Variants in GAREM1 observed in about 807,000 individuals in gnomAD.
GAREM1 encodes the protein GRB2 associated regulator of MAPK1 subtype 1.
In GAREM1, 26 loss-of-function variants were observed where a neutral mutation model predicts 71.3. That is an observed-to-expected ratio of 0.36 (90% CI 0.27 to 0.51). The LOEUF is 0.51. GAREM1 is among the 20% of genes least tolerant of loss of function. The pLI is 0.95. For synonymous variants in GAREM1, 440 were observed against 433.2 expected (o/e 1.02, Z -0.20); for missense variants, 1,026 against 1,103.1 (o/e 0.93, Z 0.99).
intron 2 of GAREM1, among the ~76,000 whole-genome samples, chr18:32,347,266 G>T (rs1300959207): frequency 6.6e-6 from 1 of 152,176 alleles, no homozygotes; most frequent in Admixed American, 6.5e-5. Flanking sequence ...CTGGAAGCCT[G>T]AAGTGAAAGG....
intron 2 of GAREM1, among the ~76,000 whole-genome samples, chr18:32,326,657 C>G (rs1042102152): frequency 1.4e-4 from 21 of 152,342 alleles, no homozygotes; most frequent in African/African-American, 4.1e-4. Flanking sequence ...CTTCCACCCC[C>G]TCACAAGAGA....
At chr18:32,285,819 C>T (rs1433622493) in intron 4 of GAREM1, among the ~76,000 whole-genome samples, 3 of 152,190 alleles carry the variant, frequency 2.0e-5, no homozygotes, top group African/African-American at 7.2e-5. Flanking sequence ...GTATTTCTAG[C>T]ATCTAGCCTA....
intron 2 of GAREM1, among the ~76,000 whole-genome samples, chr18:32,325,606 G>A (rs1380529761): frequency 1.3e-5 from 2 of 152,190 alleles, no homozygotes; most frequent in Admixed American, 1.3e-4. Context: ...TCAAGACTGA[G>A]GTAGGACAGT....
At chr18:32,332,197 T>G (rs573648329) in intron 2 of GAREM1, among the ~76,000 whole-genome samples, 1 of 151,878 alleles carries the variant, frequency 6.6e-6, no homozygotes. Flanking sequence ...GAGAAATACA[T>G]GGCTTAGTGT....
chr18:32,375,203 T>G (rs958956113), intron 2 of GAREM1, among the ~76,000 whole-genome samples: 28 of 152,156 alleles, frequency 1.8e-4, no homozygotes, highest in African/African-American at 6.5e-4. Context: ...TTTTAGGAAC[T>G]GAGTTTTAGA....
chr18:32,344,299 C>T (rs1328025096), intron 2 of GAREM1, among the ~76,000 whole-genome samples: 4 of 152,156 alleles, frequency 2.6e-5, no homozygotes, highest in African/African-American at 9.7e-5. Flanking sequence ...CTGACCTCTT[C>T]CCCAAAACTC....
At chr18:32,458,646 G>GA (rs1240051704) in intron 1 of GAREM1, among the ~76,000 whole-genome samples, 6 of 148,938 alleles carry the variant, frequency 4.0e-5, no homozygotes, top group East Asian at 3.9e-4. Flanking sequence ...CAGGAGATTT[G>GA]AAAAAAAAAC....
In GAREM1 at chr18:32,381,307, G is replaced by T. The variant is rs190218305; in HGVS notation, c.262+11588C>A. On this transcript the variant is annotated intron_variant, in intron 2 of 5. Coordinates refer to ENST00000269209, the MANE Select transcript of GAREM1 (RefSeq NM_001242409.2). ...CCAAAAGATAACAAAGAGGTTTTTTGTTGTTGTTGTTTTCTTACTCTATTT... is the reference window on the plus strand; with the variant it reads ...CCAAAAGATAACAAAGAGGTTTTTTTTTGTTGTTGTTTTCTTACTCTATTT... Among the ~76,000 whole-genome samples the T allele has an allele frequency of 1.4e-3, 154 of 110,564 alleles. 6 individuals carry two copies. In the East Asian group the frequency reaches 0.029, roughly 21 times the overall value. 72.5% of individuals were successfully genotyped at this position (110,564 alleles called of 152,430 possible).
chr18:32,389,869 C>T (rs768555536), intron 2 of GAREM1, among the ~76,000 whole-genome samples: 2 of 152,052 alleles, frequency 1.3e-5, no homozygotes, highest in Non-Finnish European at 2.9e-5. Context: ...CCATTTTACA[C>T]GGTAATCAAA....
chr18:32,273,705 G>A lies in GAREM1; in HGVS notation c.1567-3322C>T, dbSNP rs531318493. 4.4e-4 allele frequency among the ~76,000 whole-genome samples: 67 copies of A among 151,888 alleles called. 1 individual carries two copies. Among genetic ancestry groups the A allele is most frequent in the African/African-American group, 1.6e-3 (65 of 41,470 alleles). On this transcript the variant is annotated intron_variant, in intron 4 of 5. Coordinates refer to ENST00000269209, the MANE Select transcript of GAREM1 (RefSeq NM_001242409.2). ...TCCTGAAGGGAGTTAAAGAACTAAT[G>A]TGTGTGTGTGAGAGAGAGAGAGAGA...
At position 32,290,642 on chromosome 18, in the gene GAREM1, GAA is replaced by G. The variant is rs586596; in HGVS notation, c.394-2441_394-2440del. Among the ~76,000 whole-genome samples the G allele has an allele frequency of 1.1e-3, 85 of 75,608 alleles. 1 individual carries two copies. The highest frequency in any genetic ancestry group is 2.3e-3 in the East Asian group (5 of 2,132). The allele number at this position is 75,608 out of a possible 152,430, so 49.6% of individuals were successfully genotyped here. ...CCTGGGTGACAGAGACAGACTGTCT[GAA>G]AAAAAAAAAAAAAAAAGAAAAATAG... On this transcript the variant is annotated intron_variant, in intron 3 of 5. Coordinates refer to ENST00000269209, the MANE Select transcript of GAREM1 (RefSeq NM_001242409.2).
chr18:32,456,395 A>G (rs544391543), intron 1 of GAREM1, among the ~76,000 whole-genome samples: 8 of 152,138 alleles, frequency 5.3e-5, no homozygotes, highest in African/African-American at 1.9e-4. Context: ...TAAGAGCTTT[A>G]TATCGATTAC....
chr18:32,468,228 A>G (rs1189801166), intron 1 of GAREM1, among the ~76,000 whole-genome samples: 2 of 152,254 alleles, frequency 1.3e-5, no homozygotes, highest in Non-Finnish European at 2.9e-5. Flanking sequence ...TATTCATTAC[A>G]TCACAATTTT....
intron 2 of GAREM1, among the ~76,000 whole-genome samples, chr18:32,372,423 C>G (rs2047990505): frequency 6.6e-6 from 1 of 152,210 alleles, no homozygotes; most frequent in Non-Finnish European, 1.5e-5. Context: ...AACAGACACA[C>G]CCAATCCTAT....
intron 2 of GAREM1, among the ~76,000 whole-genome samples, chr18:32,367,716 A>G (rs1265752378): frequency 2.0e-5 from 3 of 152,146 alleles, no homozygotes; most frequent in Non-Finnish European, 4.4e-5. Flanking sequence ...TTCAGTCCCA[A>G]TTCTAAGCAA....
At chr18:32,278,284 G>A (rs1438613938) in intron 4 of GAREM1, among the ~76,000 whole-genome samples, 1 of 152,162 alleles carries the variant, frequency 6.6e-6, no homozygotes, top group African/African-American at 2.4e-5. Flanking sequence ...TGTATTTCCT[G>A]AGTTAACCTT....
At chr18:32,304,079 G>A (rs2047225439) in intron 3 of GAREM1, among the ~76,000 whole-genome samples, 1 of 151,968 alleles carries the variant, frequency 6.6e-6, no homozygotes, top group Admixed American at 6.5e-5. Context: ...GGCCGAGGAG[G>A]GTGGATCACT....
At chr18:32,356,785 A>G (rs2047810576) in intron 2 of GAREM1, among the ~76,000 whole-genome samples, 1 of 152,216 alleles carries the variant, frequency 6.6e-6, no homozygotes, top group Non-Finnish European at 1.5e-5. Context: ...TTAATCTGAC[A>G]AATCCAAAAA....
chr18:32,463,424 C>G (rs2048970036), intron 1 of GAREM1, among the ~76,000 whole-genome samples: 2 of 151,788 alleles, frequency 1.3e-5, no homozygotes, highest in African/African-American at 4.8e-5. Context: ...CTAGGTTTAT[C>G]ACTGTCCACT....
Sources: gnomAD v4.1 joint callset for allele counts (sites outside exome capture counted in the v4.1 genomes callset) on GRCh38, gnomAD v4.1.1 for gene constraint, MANE v1.5 for transcripts, NCBI Gene and HGNC (gene_info 2026-07-23, HGNC 2026-07-21) for gene names.